PIGK: variants seen among roughly 807,000 people sequenced by gnomAD.
The protein encoded by PIGK is phosphatidylinositol glycan anchor biosynthesis class K, also known as GPI-anchor transamidase.
A neutral mutation model predicts 50.6 loss-of-function variants in PIGK; 42 were observed. The observed-to-expected ratio is 0.83, with a 90% CI of 0.65 to 1.07. The LOEUF (loss-of-function observed/expected upper bound fraction) is 1.07. PIGK is among the 50% of genes least tolerant of loss of function. The pLI, the probability that PIGK is intolerant of heterozygous loss-of-function variation, is 0.00. For synonymous variants in PIGK, 151 were observed against 156.0 expected (o/e 0.97, Z 0.24); for missense variants, 448 against 488.7 (o/e 0.92, Z 0.78).
rs539168663 is a variant in PIGK, at chr1:77,098,337, A to AT, written c.1072-5848dup. Among the ~76,000 whole-genome samples the AT allele has an allele frequency of 7.3e-3, 1,078 of 147,114 alleles. 7 individuals are homozygous for AT. Among genetic ancestry groups the AT allele is most frequent in the Non-Finnish European group, 0.011 (697 of 66,292 alleles). ...TGAAAATAAAGAGAAGGTGGAGGAAATTTTTTTTTTTTTGAGACAGGGTCT... is the reference window on the plus strand; with the variant it reads ...TGAAAATAAAGAGAAGGTGGAGGAAATTTTTTTTTTTTTTGAGACAGGGTCT... On this transcript the variant is annotated intron_variant, in intron 10 of 10. Transcript: ENST00000370812.
chr1:77,195,265 A>G, intron 3 of PIGK: 1 of 1,323,122 alleles, frequency 7.6e-7, no homozygotes, highest in Non-Finnish European at 1.1e-6. Context: ...CTTGGGGCCC[A>G]GGGTGGCTGA....
At chr1:77,199,339 G>A (rs1656108873) in intron 3 of PIGK, among the ~76,000 whole-genome samples, 1 of 151,988 alleles carries the variant, frequency 6.6e-6, no homozygotes, top group African/African-American at 2.4e-5. Flanking sequence ...GAATACATAA[G>A]TATACTTATT....
At chr1:77,099,532 T>C (rs1037157439) in intron 10 of PIGK, among the ~76,000 whole-genome samples, 1 of 152,158 alleles carries the variant, frequency 6.6e-6, no homozygotes, top group African/African-American at 2.4e-5. Context: ...TGTCCAACTT[T>C]AAGAAAAAGT....
intron 10 of PIGK, among the ~76,000 whole-genome samples, chr1:77,108,671 T>C (rs927623639): frequency 1.3e-5 from 2 of 152,200 alleles, no homozygotes. Context: ...TCCTGGAAAA[T>C]ATCCTGCAGA....
At chr1:77,108,727 C>G (rs1653759458) in intron 10 of PIGK, among the ~76,000 whole-genome samples, 1 of 152,208 alleles carries the variant, frequency 6.6e-6, no homozygotes, top group Non-Finnish European at 1.5e-5. Context: ...TTCAGGTACA[C>G]CAATCAAATG....
At chr1:77,120,567 C>T (rs1032378725) in intron 10 of PIGK, among the ~76,000 whole-genome samples, 4 of 152,060 alleles carry the variant, frequency 2.6e-5, no homozygotes, top group Non-Finnish European at 5.9e-5. Flanking sequence ...TTTCTGGCAA[C>T]GTAACTCTTA....
intron 9 of PIGK, among the ~76,000 whole-genome samples, chr1:77,131,734 T>G (rs1654375434): frequency 6.6e-6 from 1 of 152,146 alleles, no homozygotes; most frequent in Non-Finnish European, 1.5e-5. Context: ...GAATCATTCC[T>G]GTAATTTTAA....
In PIGK at chr1:77,136,453, C is replaced by T. The variant is rs1035142066; in HGVS notation, c.987-14094G>A. On this transcript the variant is annotated intron_variant, in intron 9 of 10. Transcript: ENST00000370812. ...CTGAGGCAGGAGAACGGCGTGAACC[C>T]GGGAGGCGGAGCTTGCAGTGAGCCG... is the stretch of plus-strand genomic sequence containing the variant. 1.2e-3 allele frequency among the ~76,000 whole-genome samples: 174 copies of T among 139,518 alleles called. 2 individuals are homozygous for T. Among genetic ancestry groups the T allele is most frequent in the African/African-American group, 4.4e-3 (166 of 37,326 alleles). The allele number at this position is 139,518 out of a possible 152,430, so 91.5% of individuals were successfully genotyped here. A position where few individuals can be genotyped will look rare whatever the true frequency, so the allele number is the denominator to read the frequency against.
chr1:77,126,172 T>C (rs1654225649), intron 9 of PIGK, among the ~76,000 whole-genome samples: 1 of 152,168 alleles, frequency 6.6e-6, no homozygotes, highest in South Asian at 2.1e-4. Context: ...CATTTCAGTT[T>C]TCCTGTTTTG....
At chr1:77,175,785 C>T (rs1053634917) in intron 3 of PIGK, among the ~76,000 whole-genome samples, 4 of 151,920 alleles carry the variant, frequency 2.6e-5, no homozygotes, top group East Asian at 1.9e-4. Context: ...TAAAAAAAAG[C>T]ACAATAGGTT....
chr1:77,177,155 T>C (rs1655505815), intron 3 of PIGK, among the ~76,000 whole-genome samples: 1 of 152,230 alleles, frequency 6.6e-6, no homozygotes, highest in Non-Finnish European at 1.5e-5. Flanking sequence ...TAATGTAGAC[T>C]ATTATGCTAC....
At chr1:77,205,892 G>A (rs528713212) in intron 3 of PIGK, among the ~76,000 whole-genome samples, 30 of 152,112 alleles carry the variant, frequency 2.0e-4, no homozygotes, top group African/African-American at 5.5e-4. Context: ...CCCACTTTAC[G>A]AGTCTTCATA....
intron 3 of PIGK, among the ~76,000 whole-genome samples, chr1:77,201,956 G>T (rs934208054): frequency 2.0e-5 from 3 of 151,880 alleles, no homozygotes; most frequent in Admixed American, 2.0e-4. Context: ...TACTTGGGAG[G>T]CTGAGGAGGG....
intron 3 of PIGK, among the ~76,000 whole-genome samples, chr1:77,191,339 C>A (rs1007066160): frequency 1.3e-5 from 2 of 152,168 alleles, no homozygotes; most frequent in Non-Finnish European, 2.9e-5. Flanking sequence ...CATATTCTCA[C>A]GTTCAACAGA....
At chr1:77,162,421 G>A (rs777299977) in intron 6 of PIGK, among the ~76,000 whole-genome samples, 4 of 152,190 alleles carry the variant, frequency 2.6e-5, no homozygotes, top group Non-Finnish European at 4.4e-5. Flanking sequence ...GAACAGATCT[G>A]TGTAGCTAGG....
intron 9 of PIGK, among the ~76,000 whole-genome samples, chr1:77,134,785 G>A (rs948508099): frequency 1.3e-5 from 2 of 151,922 alleles, no homozygotes; most frequent in African/African-American, 4.8e-5. Context: ...ATTCCATCCT[G>A]TTCAGAAGTA....
chr1:77,128,392 G>C (rs1301119176), intron 9 of PIGK, among the ~76,000 whole-genome samples: 1 of 152,136 alleles, frequency 6.6e-6, no homozygotes, highest in Non-Finnish European at 1.5e-5. Flanking sequence ...TTCCAATGTA[G>C]TATAAAAATG....
intron 9 of PIGK, chr1:77,129,291 T>C (rs1654304849): frequency 6.2e-7 from 1 of 1,606,588 alleles, no homozygotes; most frequent in African/African-American, 1.3e-5. Context: ...GTGTGTACCA[T>C]TCCGACGTTA....
intron 3 of PIGK, among the ~76,000 whole-genome samples, chr1:77,196,025 T>C (rs562411010): frequency 1.3e-5 from 2 of 152,256 alleles, no homozygotes; most frequent in Non-Finnish European, 2.9e-5. Flanking sequence ...CCCATCTTTA[T>C]GTGCATGTGT....
Sources: gnomAD v4.1 joint callset for allele counts (sites outside exome capture counted in the v4.1 genomes callset) on GRCh38, gnomAD v4.1.1 for gene constraint, MANE v1.5 for transcripts, NCBI Gene and HGNC (gene_info 2026-07-23, HGNC 2026-07-21) for gene names.